SLC38A10: variants seen among roughly 807,000 people sequenced by gnomAD.
The protein encoded by SLC38A10 is Sodium-coupled neutral amino acid transporter 10.
SLC38A10 carries 53 observed loss-of-function variants against 81.0 expected under a neutral mutation model. The observed-to-expected ratio is 0.65, with a 90% CI of 0.53 to 0.82. The LOEUF is 0.82. Among genes scored for constraint, SLC38A10 ranks in the 40% least tolerant of loss-of-function variants. SLC38A10 has a pLI of 0.00. For synonymous variants in SLC38A10, 665 were observed against 655.3 expected, an observed-to-expected ratio of 1.01 and a Z score of -0.23; for missense variants, 1,471 against 1,545.0, an observed-to-expected ratio of 0.95 and a Z score of 0.80.
intron 14 of SLC38A10, chr17:81,250,957 A>G: frequency 7.7e-7 from 1 of 1,296,720 alleles, no homozygotes; most frequent in Non-Finnish European, 9.8e-7. Context: ...AGATCCCTGT[A>G]GATGAACACA....
At chr17:81,280,825 G>A in intron 5 of SLC38A10, 92 bp from the exon 6 acceptor site, 1 of 1,488,508 alleles carries the variant, frequency 6.7e-7, no homozygotes, top group Non-Finnish European at 9.0e-7. Flanking sequence ...AGGAGTGGCA[G>A]GAGAGTGCAG....
At chr17:81,273,850 C>T (rs772271326) in intron 8 of SLC38A10, among the ~76,000 whole-genome samples, 1 of 152,152 alleles carries the variant, frequency 6.6e-6, no homozygotes, top group Non-Finnish European at 1.5e-5. Flanking sequence ...AAGCAGAGCC[C>T]CTGCAGGCTT....
chr17:81,248,519 C>T (rs188985446), intron 14 of SLC38A10, among the ~76,000 whole-genome samples: 12 of 152,370 alleles, frequency 7.9e-5, no homozygotes, highest in Non-Finnish European at 1.6e-4. Context: ...TTATTTGCCG[C>T]AAGCGGCTGT....
At chr17:81,280,875 C>T (rs551790927) in intron 5 of SLC38A10, 142 bp from the exon 6 acceptor site, 69 of 1,234,890 alleles carry the variant, frequency 5.6e-5, no homozygotes, top group East Asian at 4.0e-4. Context: ...CACCCTGTGC[C>T]GCCCTGTGCC....
rs980175708 is a variant in SLC38A10, at chr17:81,251,678, G to A, written c.1946-66C>T. ...TCAAGGGAGGGTTTGGGGGGTTGGG[G>A]GACAGAAGGCAAGGGCGGGACAAAA... is the stretch of plus-strand genomic sequence containing the variant. On this transcript the variant is annotated intron_variant, in intron 13 of 15. Transcript: ENST00000374759. The A allele has an allele frequency of 2.8e-6, 4 of 1,434,138 alleles. No homozygotes were observed. In the African/African-American group the frequency reaches 5.7e-5, roughly 20 times the overall value. 88.8% of individuals were successfully genotyped at this position (1,434,138 alleles called of 1,614,324 possible). A position where few individuals can be genotyped will look rare whatever the true frequency, so the allele number is the denominator to read the frequency against.
intron 3 of SLC38A10, among the ~76,000 whole-genome samples, chr17:81,284,209 TTAGCTGGGCCTGGTGGC>T (rs2063242676): frequency 6.6e-6 from 1 of 152,050 alleles, no homozygotes; most frequent in South Asian, 2.1e-4. Flanking sequence ...AATACAAAAA[TTAGCTGGGCCTGGTGGC>T]ACGCGCCTGT....
rs914257154 is a variant in SLC38A10, at chr17:81,276,517, G to A, written c.730-366C>T. ...AGCAATTCTCCTGCCTCAGCCTCCC[G>A]AGTAGCCGGGTTTACATGCACGTGC... On this transcript the variant is annotated intron_variant, in intron 7 of 15. Coordinates refer to ENST00000374759, the MANE Select transcript of SLC38A10 (RefSeq NM_001037984.3). The surrounding 1 kb of genome is among the most constrained non-coding windows in gnomAD (Gnocchi z 4.7). Among the ~76,000 whole-genome samples, 6 of 151,626 alleles carry A rather than the reference G, an allele frequency of 4.0e-5. No homozygotes were observed. Among genetic ancestry groups the A allele is most frequent in the African/African-American group, 1.2e-4 (5 of 41,276 alleles).
rs377189200 is a variant in SLC38A10 at position 81,275,941 on chromosome 17, G to A, written c.912+28C>T. On this transcript the variant is annotated intron_variant, in intron 8 of 15. Transcript: ENST00000374759. Reference sequence around the variant, plus strand: ...AAGCGAGCCTGACCTGTGCTATTACGATCCGGAGAGTGCCCCGAGGGTCTT... The same window carrying A: ...AAGCGAGCCTGACCTGTGCTATTACAATCCGGAGAGTGCCCCGAGGGTCTT... 33 of 1,603,764 alleles carry A rather than the reference G, an allele frequency of 2.1e-5. 1 individual carries two copies. The highest frequency in any genetic ancestry group is 3.4e-4 in the Middle Eastern group (2 of 5,934).
Position 81,245,923 on chromosome 17 carries a change from T to C in SLC38A10, c.2993A>G (p.His998Arg). The C allele has an allele frequency of 6.2e-7, 1 of 1,611,250 alleles. No homozygotes were observed. The highest frequency in any genetic ancestry group is 8.5e-7 in the Non-Finnish European group (1 of 1,178,894). The change falls in exon 16 of 16, where the codon CAC becomes CGC. Residue 998 changes from histidine to arginine, a missense_variant. By Grantham distance (29) the His-to-Arg change is conservative. This residue lies in a region of SLC38A10 where 751 missense variants were observed against 717.4 expected (regional missense o/e 1.05). Coordinates refer to ENST00000374759, the MANE Select transcript of SLC38A10 (RefSeq NM_001037984.3). ...ARGGDHVPVS[H>R]EQPRGGEDAA... ...GTCCTCCCCGCCTCTCGGCTGCTCG[T>C]GGGACACAGGCACATGGTCCCCCCC...
intron 1 of SLC38A10, among the ~76,000 whole-genome samples, chr17:81,293,423 A>G (rs1317062183): frequency 6.6e-6 from 1 of 152,162 alleles, no homozygotes; most frequent in African/African-American, 2.4e-5. Flanking sequence ...CTCAGACACA[A>G]CAGCCTGGAG....
intron 2 of SLC38A10, among the ~76,000 whole-genome samples, chr17:81,287,117 A>G (rs1598406683): frequency 6.6e-6 from 1 of 152,200 alleles, no homozygotes; most frequent in East Asian, 1.9e-4. Context: ...GCAACAGCAA[A>G]TAGGACAGGG....
rs761477459 is a variant in SLC38A10 at position 81,283,518 on chromosome 17, G to A, written c.264-16C>T. ...CCCGATCATGCTGCACAGGGACGGG[G>A]GGTACGGGAAATGCCATCAGGGCAA... is the stretch of plus-strand genomic sequence containing the variant. On this transcript the variant is annotated splice_polypyrimidine_tract_variant and intron_variant, in intron 3 of 15. Transcript: ENST00000374759. The surrounding 1 kb of genome is among the most constrained non-coding windows in gnomAD (Gnocchi z 4.7). 4 of 1,598,884 alleles carry A rather than the reference G, an allele frequency of 2.5e-6. No individual in the cohort carries two copies. Among genetic ancestry groups the A allele is most frequent in the South Asian group, 1.1e-5 (1 of 89,206 alleles).
intron 10 of SLC38A10, among the ~76,000 whole-genome samples, chr17:81,262,042 G>C (rs1237030533): frequency 6.6e-6 from 1 of 152,236 alleles, no homozygotes; most frequent in Non-Finnish European, 1.5e-5. Context: ...GTGGTGTCTG[G>C]AAGGTGACCA....
intron 8 of SLC38A10, among the ~76,000 whole-genome samples, chr17:81,273,161 G>A (rs1023812075): frequency 4.6e-5 from 7 of 152,240 alleles, no homozygotes; most frequent in Admixed American, 4.6e-4. Flanking sequence ...GCACGATGAG[G>A]CCCTAATTTC....
At chr17:81,278,154 C>G (rs539959625) in intron 6 of SLC38A10, among the ~76,000 whole-genome samples, 3 of 150,676 alleles carry the variant, frequency 2.0e-5, no homozygotes, top group Non-Finnish European at 4.4e-5. Context: ...ACCAGCACAG[C>G]GGCCAGCGGA....
chr17:81,256,838 G>C (rs1254387836), intron 11 of SLC38A10, among the ~76,000 whole-genome samples: 1 of 152,248 alleles, frequency 6.6e-6, no homozygotes. Context: ...TTGCGAATGT[G>C]AGGGGGAATC....
At chr17:81,251,261 C>A in intron 14 of SLC38A10, 2 of 1,471,340 alleles carry the variant, frequency 1.4e-6, no homozygotes, top group South Asian at 1.1e-5. Flanking sequence ...AGCCATGTGA[C>A]GATGCCGCAG....
rs79389037 is a variant in SLC38A10 at position 81,268,312 on chromosome 17, A to G, written c.1131+2606T>C. 2.4e-3 allele frequency among the ~76,000 whole-genome samples: 364 copies of G among 151,816 alleles called. 3 individuals are homozygous for G. Among genetic ancestry groups the G allele is most frequent in the African/African-American group, 8.2e-3 (339 of 41,222 alleles). On this transcript the variant is annotated intron_variant, in intron 10 of 15. Coordinates refer to ENST00000374759, the MANE Select transcript of SLC38A10 (RefSeq NM_001037984.3). ...GATTTCTCAAACACAACATCTGCAA[A>G]ATACCAGGCACACTAGAAAACAAGA... is the stretch of plus-strand genomic sequence containing the variant.
At chr17:81,247,894 G>A (rs1397102558) in intron 14 of SLC38A10, among the ~76,000 whole-genome samples, 2 of 150,454 alleles carry the variant, frequency 1.3e-5, no homozygotes. Flanking sequence ...AAAGAATATT[G>A]GTACTTCTAG....
Sources: allele counts gnomAD v4.1 joint callset (sites outside exome capture counted in the v4.1 genomes callset), GRCh38; gene constraint gnomAD v4.1.1; regional missense constraint gnomAD v4.1.1; non-coding constraint Gnocchi (gnomAD v3.1); transcripts MANE v1.5; gene names NCBI Gene and HGNC (gene_info 2026-07-23, HGNC 2026-07-21).